The following CLEC12A variants were observed in gnomAD, a reference collection of about 807,000 sequenced individuals.
The protein encoded by CLEC12A is C-type lectin domain family 12 member A.
CLEC12A carries 22 observed loss-of-function variants against 26.5 expected under a neutral mutation model. The ratio of observed to expected loss-of-function variants is 0.83; its 90% CI spans 0.59 to 1.19. The LOEUF is 1.19. Among genes scored for constraint, CLEC12A ranks in the 50% most tolerant of loss-of-function variants. The pLI is 0.00. For missense variants in CLEC12A, 353 were observed against 315.6 expected (o/e 1.12, Z -0.90); for synonymous variants, 119 against 101.9 (o/e 1.17, Z -1.01).
At chr12:9,976,450 A>C (rs1489430518) in intron 1 of CLEC12A, among the ~76,000 whole-genome samples, 1 of 152,164 alleles carries the variant, frequency 6.6e-6, no homozygotes, top group Non-Finnish European at 1.5e-5. Context: ...TTGGACTTGC[A>C]TGGGGCCTGT....
At chr12:9,988,045 G>T (rs1257072278), downstream of CLEC12A, among the ~76,000 whole-genome samples, 1 of 152,048 alleles carries the variant, frequency 6.6e-6, no homozygotes, top group Non-Finnish European at 1.5e-5. Flanking sequence ...GGGGACTTTT[G>T]GGAAGACATG....
downstream of CLEC12A, chr12:9,998,168 A>G: frequency 1.3e-6 from 1 of 760,144 alleles, no homozygotes. Flanking sequence ...CTGTAGGACA[A>G]CTGTAGAAGT....
downstream of CLEC12A, among the ~76,000 whole-genome samples, chr12:9,986,501 C>T (rs1482718110): frequency 1.4e-5 from 2 of 145,682 alleles, no homozygotes; most frequent in African/African-American, 2.5e-5. Flanking sequence ...TATACTTGGC[C>T]TGGTAATTTT....
chr12:9,959,313 G>T (rs7298632), intron 1 of CLEC12A, among the ~76,000 whole-genome samples: 1 of 151,674 alleles, frequency 6.6e-6, no homozygotes, highest in Admixed American at 6.6e-5. Flanking sequence ...TTAGCTGGGC[G>T]TGGTGGCGGG....
At chr12:9,995,187 C>G in exon 5 of CLEC12A, 2 of 1,613,066 alleles carry the variant, frequency 1.2e-6, no homozygotes, top group Non-Finnish European at 1.7e-6. Flanking sequence ...AGACCTCATT[C>G]GACTTCTGGC....
intron 1 of CLEC12A, among the ~76,000 whole-genome samples, chr12:9,965,376 A>G (rs1199003122): frequency 6.6e-6 from 1 of 152,090 alleles, no homozygotes; most frequent in Non-Finnish European, 1.5e-5. Flanking sequence ...TTATGCTGAG[A>G]TAGGTAAGAG....
At chr12:9,966,692 A>G (rs1337769021), upstream of CLEC12A, among the ~76,000 whole-genome samples, 1 of 151,594 alleles carries the variant, frequency 6.6e-6, no homozygotes, top group South Asian at 2.1e-4. Context: ...CTACTTTATT[A>G]TTGTACACTT....
At chr12:9,952,340 C>T (rs542683700) in intron 1 of CLEC12A, among the ~76,000 whole-genome samples, 40 of 151,156 alleles carry the variant, frequency 2.6e-4, no homozygotes, top group African/African-American at 9.5e-4. Context: ...CACGCACCAC[C>T]ACGCCTGACT....
At chr12:10,006,125 G>A in the CLEC12A span, among the ~76,000 whole-genome samples, 1 of 152,216 alleles carries the variant, frequency 6.6e-6, no homozygotes, top group East Asian at 1.9e-4. Context: ...TTTAATTCAT[G>A]TGAGAGCAGC....
the CLEC12A span, among the ~76,000 whole-genome samples, chr12:10,003,852 G>A: frequency 1.1e-4 from 16 of 152,286 alleles, no homozygotes; most frequent in Non-Finnish European, 2.2e-4. Context: ...GGAGGCAGAG[G>A]TTGCAATGAG....
the CLEC12A span, among the ~76,000 whole-genome samples, chr12:10,005,421 C>G: frequency 6.6e-6 from 1 of 152,178 alleles, no homozygotes; most frequent in South Asian, 2.1e-4. Context: ...GACAATTGCC[C>G]AGGTTTCTTC....
chr12:9,978,086 A>G (rs1864407617), intron 1 of CLEC12A, among the ~76,000 whole-genome samples: 1 of 152,164 alleles, frequency 6.6e-6, no homozygotes, highest in African/African-American at 2.4e-5. Flanking sequence ...GGATTTCACA[A>G]TATTATTGCA....
intron 1 of CLEC12A, among the ~76,000 whole-genome samples, chr12:9,964,598 G>A (rs893058738): frequency 6.6e-6 from 1 of 152,188 alleles, no homozygotes; most frequent in Admixed American, 6.5e-5. Flanking sequence ...CCAGTCCTGG[G>A]TGGGGGCAAA....
At chr12:9,981,954 A>G in intron 4 of CLEC12A, 66 bp from the exon 5 acceptor site, 1 of 769,356 alleles carries the variant, frequency 1.3e-6, no homozygotes, top group Non-Finnish European at 2.1e-6. Context: ...GTAAGAAATT[A>G]CATTATAATG....
chr12:10,002,440 G>GTTTTTTTTTTTTT, the CLEC12A span, among the ~76,000 whole-genome samples: 2 of 40,480 alleles, frequency 4.9e-5, 1 homozygote, highest in Non-Finnish European at 1.0e-4. Context: ...GTTGGGTAAT[G>GTTTTTTTTTTTTT]TTTTTTTTTT....
chr12:9,986,001 C>A, downstream of CLEC12A: 1 of 242,948 alleles, frequency 4.1e-6, no homozygotes. Flanking sequence ...CTTCTGCCCC[C>A]TCCTCTTCTG....
At chr12:9,965,218 A>C (rs534465025) in intron 1 of CLEC12A, among the ~76,000 whole-genome samples, 70 of 152,314 alleles carry the variant, frequency 4.6e-4, no homozygotes, top group South Asian at 1.2e-3. Context: ...GAAAGGCTAC[A>C]GGGTGCGGTC....
At chr12:9,951,387 G>C (rs1361051894) in intron 1 of CLEC12A, 1 of 702,818 alleles carries the variant, frequency 1.4e-6, no homozygotes, top group Non-Finnish European at 2.6e-6. Context: ...CCGACAGTGG[G>C]AATGGCTCCT....
intron 1 of CLEC12A, among the ~76,000 whole-genome samples, chr12:9,964,882 T>A: frequency 6.6e-6 from 1 of 151,662 alleles, no homozygotes; most frequent in South Asian, 2.1e-4. Context: ...AAGGGGTGAA[T>A]GTCAGGTGAA....
Sources: gnomAD v4.1 joint callset for allele counts (sites outside exome capture counted in the v4.1 genomes callset) on GRCh38, gnomAD v4.1.1 for gene constraint, MANE v1.5 for transcripts, NCBI Gene and HGNC (gene_info 2026-07-23, HGNC 2026-07-21) for gene names.